Variants in UPP2 observed in about 807,000 individuals in gnomAD.
UPP2 encodes UPase 2.
Under a neutral mutation model 26.7 loss-of-function variants are expected in UPP2, and 23 were observed. The ratio of observed to expected loss-of-function variants is 0.86; its 90% confidence interval spans 0.62 to 1.22. The LOEUF is 1.22. Among genes scored for constraint, UPP2 ranks in the 50% most tolerant of loss-of-function variants. UPP2 has a pLI of 0.00. For missense variants in UPP2, 387 were observed against 396.7 expected, an observed-to-expected ratio of 0.98 and a Z score of 0.21; for synonymous variants, 127 against 141.3, an observed-to-expected ratio of 0.90 and a Z score of 0.72.
intron 3 of UPP2, among the ~76,000 whole-genome samples, chr2:158,086,483 T>A (rs1682819129): frequency 6.6e-6 from 1 of 152,134 alleles, no homozygotes; most frequent in Non-Finnish European, 1.5e-5. Flanking sequence ...TTTGTTTCAA[T>A]TTCATTTAGT....
chr2:158,050,623 C>T (rs1383604765), intron 3 of UPP2, among the ~76,000 whole-genome samples: 3 of 151,848 alleles, frequency 2.0e-5, no homozygotes, highest in Non-Finnish European at 2.9e-5. Context: ...CATAGCAAGA[C>T]CCTGTCTCAA....
intron 4 of UPP2, among the ~76,000 whole-genome samples, chr2:158,118,673 T>C (rs762308781): frequency 6.6e-6 from 1 of 152,024 alleles, no homozygotes; most frequent in Non-Finnish European, 1.5e-5. Context: ...AGACTGCACA[T>C]GGCAAATGGA....
chr2:157,999,510 C>A (rs1683373695), intron 2 of UPP2, among the ~76,000 whole-genome samples: 1 of 152,178 alleles, frequency 6.6e-6, no homozygotes, highest in Non-Finnish European at 1.5e-5. Context: ...TCATCTATGT[C>A]TTTTCTTAAC....
Position 158,054,808 on chromosome 2 carries a change from A to G in UPP2, c.147+38922A>G, listed in dbSNP as rs146544276. On this transcript the variant is annotated intron_variant, in intron 3 of 9. Coordinates refer to the UPP2 transcript ENST00000605860. ...AAACTACAATAAATACACAAAACAT[A>G]AAACTTGCTATTTTAACCATTTTAA... 3.3e-5 allele frequency among the ~76,000 whole-genome samples: 5 copies of G among 152,362 alleles called. No homozygotes were observed. The East Asian group carries it at 5.8e-4, about 18-fold the overall frequency.
At chr2:158,125,756 C>G (rs768589541) in intron 6 of UPP2, among the ~76,000 whole-genome samples, 2 of 152,122 alleles carry the variant, frequency 1.3e-5, no homozygotes, top group Non-Finnish European at 2.9e-5. Context: ...TGCTAGTATC[C>G]TCTTTTAGAG....
chr2:158,090,552 C>A (rs922443688), intron 3 of UPP2, among the ~76,000 whole-genome samples: 3 of 152,076 alleles, frequency 2.0e-5, no homozygotes, highest in African/African-American at 7.2e-5. Context: ...CCAAATGTAT[C>A]TAAGTATATA....
chr2:158,001,025 C>A (rs1683395982), intron 2 of UPP2, among the ~76,000 whole-genome samples: 1 of 152,226 alleles, frequency 6.6e-6, no homozygotes, highest in Non-Finnish European at 1.5e-5. Flanking sequence ...CTCTGTATTG[C>A]TAATCCTCAG....
chr2:158,060,367 A>C (rs557047668), intron 3 of UPP2, among the ~76,000 whole-genome samples: 21 of 152,298 alleles, frequency 1.4e-4, no homozygotes, highest in African/African-American at 5.1e-4. Flanking sequence ...AAAGCACTTC[A>C]AGGAGTGTCT....
intron 3 of UPP2, among the ~76,000 whole-genome samples, chr2:158,031,565 T>C (rs994327397): frequency 6.6e-6 from 1 of 152,206 alleles, no homozygotes; most frequent in African/African-American, 2.4e-5. Flanking sequence ...CCAGGACCGC[T>C]GAGGTTCCGA....
chr2:158,102,825 CAG>C (rs1683103839), intron 1 of UPP2, among the ~76,000 whole-genome samples: 1 of 152,164 alleles, frequency 6.6e-6, no homozygotes, highest in Non-Finnish European at 1.5e-5. Flanking sequence ...CCATCCCAAA[CAG>C]AGGTAGCCTC....
At chr2:158,027,066 G>T (rs1574251932) in intron 3 of UPP2, among the ~76,000 whole-genome samples, 2 of 152,130 alleles carry the variant, frequency 1.3e-5, no homozygotes, top group South Asian at 4.2e-4. Flanking sequence ...ATTTGGGTGG[G>T]GACACAGCCA....
At position 158,123,790 on chromosome 2, in the gene UPP2, GA is replaced by G. The variant is rs759424183; in HGVS notation, c.713del (p.Lys238SerfsTer2). 50 of 1,613,828 alleles carry G rather than the reference GA, an allele frequency of 3.1e-5. 1 individual carries two copies. In the Admixed American group the frequency reaches 3.8e-4, roughly 12 times the overall value. ...LDGALCSFSR[E>X]KKLDYLKRAF... ...TGGAGCACTGTGCTCCTTTTCCAGA[GA>G]AAAAAAGTTAGACTACTTGAAGAGA... On this transcript the variant is annotated frameshift_variant, in exon 6 of 7. Coordinates refer to ENST00000005756, the MANE Select transcript of UPP2 (RefSeq NM_173355.4). LOFTEE classifies it high-confidence loss of function.
At chr2:158,023,156 G>A (rs973501100) in intron 3 of UPP2, among the ~76,000 whole-genome samples, 2 of 146,980 alleles carry the variant, frequency 1.4e-5, no homozygotes, top group African/African-American at 5.0e-5. Context: ...TGTGAGGATG[G>A]GGTGTGTTAA....
In UPP2 at chr2:158,084,989, T is replaced by C. The variant is rs186610306; in HGVS notation, c.148-17051T>C. Among the ~76,000 whole-genome samples the C allele has an allele frequency of 2.4e-3, 364 of 152,272 alleles. 1 individual carries two copies. The highest frequency in any genetic ancestry group is 4.3e-3 in the Non-Finnish European group (293 of 68,004). On this transcript the variant is annotated intron_variant, in intron 3 of 9. Transcript: ENST00000605860. ...TTTGGCTATGCAGACTCTTTTTTTG[T>C]TACATATGAATTTTAGAATTTTTTT...
At chr2:158,120,309 A>G (rs1683536741) in intron 4 of UPP2, among the ~76,000 whole-genome samples, 1 of 152,098 alleles carries the variant, frequency 6.6e-6, no homozygotes, top group Non-Finnish European at 1.5e-5. Context: ...AGCTATAGAC[A>G]ATATGTAAAT....
At chr2:158,043,263 G>A (rs918891541) in intron 3 of UPP2, among the ~76,000 whole-genome samples, 4 of 152,168 alleles carry the variant, frequency 2.6e-5, no homozygotes, top group African/African-American at 9.7e-5. Context: ...AGCTGGCCTG[G>A]GAACACCTTC....
At chr2:157,998,813 A>G (rs1381848544) in intron 2 of UPP2, among the ~76,000 whole-genome samples, 1 of 152,176 alleles carries the variant, frequency 6.6e-6, no homozygotes, top group Non-Finnish European at 1.5e-5. Context: ...AATAAAATAA[A>G]ATAAAATAAA....
At chr2:158,058,419 C>CTGTG (rs70990632) in intron 3 of UPP2, among the ~76,000 whole-genome samples, 8,178 of 136,268 alleles carry the variant, frequency 0.06, 348 homozygotes, top group Non-Finnish European at 0.071. Context: ...TCCCCCCAAC[C>CTGTG]TGTGTGTGTG....
chr2:158,047,214 T>C (rs1324119446), intron 3 of UPP2, among the ~76,000 whole-genome samples: 1 of 152,188 alleles, frequency 6.6e-6, no homozygotes, highest in African/African-American at 2.4e-5. Context: ...TAAACATCTT[T>C]ATCAGGAACT....
Sources: gnomAD v4.1 joint callset for allele counts (sites outside exome capture counted in the v4.1 genomes callset) on GRCh38, gnomAD v4.1.1 for gene constraint, MANE v1.5 for transcripts, NCBI Gene and HGNC (gene_info 2026-07-23, HGNC 2026-07-21) for gene names.